The following PDE4D variants were observed in gnomAD, a reference collection of about 807,000 sequenced individuals.
PDE4D encodes the protein 3',5'-cyclic-AMP phosphodiesterase 4D.
In PDE4D, 24 loss-of-function variants were observed where a neutral mutation model predicts 87.4. The observed-to-expected ratio is 0.27, with a 90% CI of 0.20 to 0.39. PDE4D has a LOEUF of 0.39. PDE4D is among the 10% of genes least tolerant of loss of function. The probability of loss-of-function intolerance (pLI) is 1.00; values close to 1 mark genes in which losing one functional copy is unlikely to be tolerated. For synonymous variants in PDE4D, 384 were observed against 383.2 expected, an observed-to-expected ratio of 1.00 and a Z score of -0.02; for missense variants, 714 against 1,041.0, an observed-to-expected ratio of 0.69 and a Z score of 4.32.
intron 1 of PDE4D, among the ~76,000 whole-genome samples, chr5:59,738,516 A>G (rs1758398193): frequency 6.6e-6 from 1 of 152,072 alleles, no homozygotes; most frequent in East Asian, 1.9e-4. Flanking sequence ...CTATTCAAGA[A>G]CATACTCAAG....
chr5:60,252,399 C>CTTTTTTTTTTTTTTTTTT (rs749772318), intron 1 of PDE4D, among the ~76,000 whole-genome samples: 2 of 137,410 alleles, frequency 1.5e-5, no homozygotes, highest in Non-Finnish European at 1.6e-5. Context: ...CACTTTTTTA[C>CTTTTTTTTTTTTTTTTTT]TTTTTTTTTT....
intron 1 of PDE4D, among the ~76,000 whole-genome samples, chr5:60,282,551 T>C (rs1267588996): frequency 1.3e-5 from 2 of 152,094 alleles, no homozygotes; most frequent in East Asian, 3.9e-4. Flanking sequence ...CAAATAAAAT[T>C]TGTTATTACT....
At chr5:59,086,457 C>T (rs985991611) in intron 5 of PDE4D, among the ~76,000 whole-genome samples, 2 of 152,276 alleles carry the variant, frequency 1.3e-5, no homozygotes, top group Non-Finnish European at 1.5e-5. Context: ...CTGCCTACTT[C>T]TCAGCCACTA....
chr5:59,398,635 G>T (rs1182026387), intron 1 of PDE4D, among the ~76,000 whole-genome samples: 1 of 116,422 alleles, frequency 8.6e-6, no homozygotes, highest in South Asian at 3.0e-4. Flanking sequence ...TACTGAATGG[G>T]CAAAAACTGG....
chr5:59,876,788 T>C (rs1268100189), intron 1 of PDE4D, among the ~76,000 whole-genome samples: 1 of 152,194 alleles, frequency 6.6e-6, no homozygotes, highest in East Asian at 1.9e-4. Flanking sequence ...GATCTATAAA[T>C]GGCTATCTCA....
chr5:59,570,275 T>C (rs1166071888), intron 1 of PDE4D, among the ~76,000 whole-genome samples: 1 of 152,218 alleles, frequency 6.6e-6, no homozygotes, highest in Admixed American at 6.5e-5. Flanking sequence ...AATCTCAGTA[T>C]TTAATCTCCT....
Position 60,380,793 on chromosome 5 carries a change from G to A in PDE4D, c.-90+107149C>T, listed in dbSNP as rs545401210. On this transcript the variant is annotated intron_variant, in intron 1 of 16. Coordinates refer to the PDE4D transcript ENST00000502484. ...CAGAGATAATAAAAATCACAACAAC[G>A]AGAAATCGACATCACTTAGTATTTA... is the stretch of plus-strand genomic sequence containing the variant. Among the ~76,000 whole-genome samples the A allele has an allele frequency of 6.6e-5, 10 of 152,264 alleles. No individual in the cohort carries two copies. In the South Asian group the frequency reaches 1.2e-3, roughly 19 times the overall value.
intron 1 of PDE4D, among the ~76,000 whole-genome samples, chr5:59,384,897 A>G (rs906217737): frequency 2.0e-4 from 30 of 152,082 alleles, no homozygotes; most frequent in African/African-American, 6.5e-4. Context: ...TTTTTAGTTA[A>G]ATTAACAATC....
At chr5:59,779,929 T>C (rs530593719) in intron 1 of PDE4D, among the ~76,000 whole-genome samples, 14 of 152,346 alleles carry the variant, frequency 9.2e-5, no homozygotes, top group African/African-American at 3.4e-4. Context: ...ATTATTCAAT[T>C]TACACTCCCA....
At chr5:59,736,178 T>C (rs1263611686) in intron 1 of PDE4D, among the ~76,000 whole-genome samples, 1 of 151,646 alleles carries the variant, frequency 6.6e-6, no homozygotes, top group African/African-American at 2.4e-5. Context: ...TAAACATTGA[T>C]TCATCAGGTA....
chr5:59,514,351 C>A (rs1240142211), intron 1 of PDE4D, among the ~76,000 whole-genome samples: 2 of 152,016 alleles, frequency 1.3e-5, no homozygotes, highest in Non-Finnish European at 2.9e-5. Context: ...GTGATCCACC[C>A]GCCTCGGCCT....
chr5:59,533,562 G>A (rs963138791), intron 1 of PDE4D, among the ~76,000 whole-genome samples: 8 of 152,294 alleles, frequency 5.3e-5, no homozygotes, highest in South Asian at 4.1e-4. Flanking sequence ...AGTGTTTGGC[G>A]ACAACAAAGC....
At chr5:60,464,751 A>T (rs1229036948) in intron 1 of PDE4D, among the ~76,000 whole-genome samples, 1 of 152,068 alleles carries the variant, frequency 6.6e-6, no homozygotes. Context: ...CCAAATTTCC[A>T]CTCATCATAC....
At position 59,799,032 on chromosome 5, in the gene PDE4D, A is replaced by T. The variant is rs190015418; in HGVS notation, c.455+94136T>A. Among the ~76,000 whole-genome samples the T allele has an allele frequency of 1.2e-4, 18 of 152,330 alleles. No homozygotes were observed. In the East Asian group the frequency reaches 3.1e-3, roughly 26 times the overall value. ...AGCCAATTTTATTTAGCCCTCAGGA[A>T]ATAGGGTGACCCCAGTTGACCCCCA... On this transcript the variant is annotated intron_variant, in intron 1 of 14. Transcript: ENST00000340635.
intron 1 of PDE4D, among the ~76,000 whole-genome samples, chr5:60,456,154 G>A (rs779011182): frequency 1.3e-4 from 20 of 152,140 alleles, no homozygotes; most frequent in African/African-American, 4.8e-4. Flanking sequence ...AGAGACCCAC[G>A]TAGGCCCTGG....
chr5:59,891,598 G>A (rs943631336), intron 1 of PDE4D, among the ~76,000 whole-genome samples: 1 of 152,136 alleles, frequency 6.6e-6, no homozygotes, highest in African/African-American at 2.4e-5. Flanking sequence ...TCTGAATTGA[G>A]GTTATTAATT....
intron 2 of PDE4D, among the ~76,000 whole-genome samples, chr5:60,108,037 G>A (rs1472161901): frequency 1.3e-5 from 2 of 152,216 alleles, no homozygotes; most frequent in Non-Finnish European, 2.9e-5. Flanking sequence ...GGAAACAAAG[G>A]GTATTCAGTT....
chr5:60,028,472 C>T (rs1212188309), intron 2 of PDE4D, among the ~76,000 whole-genome samples: 2 of 152,148 alleles, frequency 1.3e-5, no homozygotes, highest in East Asian at 3.9e-4. Context: ...TGAAATTTTT[C>T]TAATTGGTCT....
intron 2 of PDE4D, among the ~76,000 whole-genome samples, chr5:60,061,041 C>T (rs1445465095): frequency 6.6e-6 from 1 of 152,120 alleles, no homozygotes; most frequent in Admixed American, 6.6e-5. Flanking sequence ...TGCCCTCTCT[C>T]TCCACTCCTA....
Sources: allele counts gnomAD v4.1 joint callset (sites outside exome capture counted in the v4.1 genomes callset), GRCh38; gene constraint gnomAD v4.1.1; transcripts MANE v1.5; gene names NCBI Gene and HGNC (gene_info 2026-07-23, HGNC 2026-07-21).